The following PLCB4 variants were observed in gnomAD, a reference collection of about 807,000 sequenced individuals.
PLCB4 encodes the protein 1-phosphatidylinositol 4,5-bisphosphate phosphodiesterase beta-4.
PLCB4 carries 77 observed loss-of-function variants against 178.8 expected under a neutral mutation model. The ratio of observed to expected loss-of-function variants is 0.43; its 90% CI spans 0.36 to 0.52. The LOEUF is 0.52. Among genes scored for constraint, PLCB4 ranks in the 20% least tolerant of loss-of-function variants. The pLI is 0.00. For missense variants in PLCB4, 1,024 were observed against 1,453.4 expected (o/e 0.70, Z 4.80); for synonymous variants, 496 against 490.8 (o/e 1.01, Z -0.14).
intron 3 of PLCB4, among the ~76,000 whole-genome samples, chr20:9,251,104 C>A (rs1177393710): frequency 6.6e-6 from 1 of 152,128 alleles, no homozygotes; most frequent in African/African-American, 2.4e-5. Context: ...TCCTGGATCC[C>A]CAGTTGCTCA....
rs1460953170 is a variant in PLCB4 at position 9,478,840 on chromosome 20, T to C, written c.3533-81T>C. 7.2e-6 allele frequency: 7 copies of C among 967,178 alleles called. No individual in the cohort carries two copies. The Admixed American group carries it at 8.8e-5, about 12-fold the overall frequency. 59.9% of individuals were successfully genotyped at this position (967,178 alleles called of 1,614,324 possible). A position where few individuals can be genotyped will look rare whatever the true frequency, so the allele number is the denominator to read the frequency against. ...GGATGTGGTGACAGGATCATATTTA[T>C]GGGAGAAGAGAGGCCAGGGTTGTTA... On this transcript the variant is annotated intron_variant, in intron 39 of 39. Coordinates refer to ENST00000378473, the MANE Select transcript of PLCB4 (RefSeq NM_001377142.1).
At chr20:9,157,900 C>G (rs1279022897) in intron 2 of PLCB4, among the ~76,000 whole-genome samples, 1 of 152,180 alleles carries the variant, frequency 6.6e-6, no homozygotes, top group African/African-American at 2.4e-5. Flanking sequence ...CCATTTCACT[C>G]TAGCCTGGGC....
chr20:9,151,148 TA>T (rs2092683968), intron 2 of PLCB4, among the ~76,000 whole-genome samples: 1 of 152,128 alleles, frequency 6.6e-6, no homozygotes, highest in Non-Finnish European at 1.5e-5. Context: ...ATAGTATAAA[TA>T]AAAACAGCAT....
At position 9,444,262 on chromosome 20, in the gene PLCB4, A is replaced by C. The variant is rs201254199; in HGVS notation, c.2880+19A>C. On this transcript the variant is annotated intron_variant, in intron 32 of 39. Coordinates refer to ENST00000378473, the MANE Select transcript of PLCB4 (RefSeq NM_001377142.1). ...TGCAAAGGTACAGTGCTCTACAGCT[A>C]CTATTTTGTGTTATGTATGGATGAA... The C allele has an allele frequency of 4.1e-6, 6 of 1,471,538 alleles. No individual in the cohort carries two copies. In the East Asian group the frequency reaches 1.4e-4, roughly 33 times the overall value. 91.2% of individuals were successfully genotyped at this position (1,471,538 alleles called of 1,614,324 possible).
chr20:9,102,430 A>G (rs2091192881), intron 2 of PLCB4, among the ~76,000 whole-genome samples: 2 of 152,182 alleles, frequency 1.3e-5, no homozygotes, highest in Admixed American at 1.3e-4. Flanking sequence ...GGTTCGAGAT[A>G]TACATTTTGC....
intron 3 of PLCB4, among the ~76,000 whole-genome samples, chr20:9,276,267 G>A (rs930114527): frequency 5.9e-5 from 9 of 152,064 alleles, no homozygotes; most frequent in Non-Finnish European, 1.2e-4. Context: ...TCACCCTGGA[G>A]TCAATGTAGC....
intron 2 of PLCB4, among the ~76,000 whole-genome samples, chr20:9,125,593 A>G (rs1236916006): frequency 1.3e-5 from 2 of 152,210 alleles, no homozygotes; most frequent in Non-Finnish European, 2.9e-5. Context: ...GAATGCACAC[A>G]TGCATATATG....
At chr20:9,330,685 A>T (rs1308132729) in intron 4 of PLCB4, among the ~76,000 whole-genome samples, 1 of 152,202 alleles carries the variant, frequency 6.6e-6, no homozygotes, top group Non-Finnish European at 1.5e-5. Flanking sequence ...TTAAATGAAA[A>T]ATTAATTAAA....
At chr20:9,210,255 A>G (rs2093659342) in intron 2 of PLCB4, among the ~76,000 whole-genome samples, 1 of 152,214 alleles carries the variant, frequency 6.6e-6, no homozygotes, top group Admixed American at 6.5e-5. Flanking sequence ...AGTTGGCCAC[A>G]GTAAATGACA....
intron 2 of PLCB4, among the ~76,000 whole-genome samples, chr20:9,216,513 G>A (rs566462030): frequency 1.1e-4 from 17 of 150,858 alleles, no homozygotes; most frequent in East Asian, 4.0e-4. Flanking sequence ...CACTGCGCCC[G>A]GCCTGAGATG....
At chr20:9,258,093 GA>G (rs1222577862) in intron 3 of PLCB4, among the ~76,000 whole-genome samples, 2 of 151,980 alleles carry the variant, frequency 1.3e-5, no homozygotes, top group East Asian at 1.9e-4. Context: ...TAATAGAGGG[GA>G]AAAAAAGTGG....
chr20:9,406,299 C>T (rs2039431541), intron 21 of PLCB4, among the ~76,000 whole-genome samples: 2 of 152,116 alleles, frequency 1.3e-5, no homozygotes, highest in Admixed American at 6.5e-5. Context: ...TATTATTAAA[C>T]ACACATGGAA....
At chr20:9,474,503 A>G (rs2044412156) in intron 38 of PLCB4, among the ~76,000 whole-genome samples, 2 of 152,180 alleles carry the variant, frequency 1.3e-5, no homozygotes. Context: ...AGGTAATTCA[A>G]TTTAGAAACG....
At chr20:9,406,938 ATTG>A (rs1444594792) in intron 21 of PLCB4, among the ~76,000 whole-genome samples, 5 of 152,234 alleles carry the variant, frequency 3.3e-5, no homozygotes, top group Admixed American at 6.5e-5. Flanking sequence ...TGTTGGTTTT[ATTG>A]TTGTTTTTTC....
At chr20:9,197,842 G>T (rs2093491425) in intron 2 of PLCB4, among the ~76,000 whole-genome samples, 1 of 152,218 alleles carries the variant, frequency 6.6e-6, no homozygotes, top group Admixed American at 6.5e-5. Flanking sequence ...GGGCATGGTG[G>T]TGGGCATCTG....
intron 25 of PLCB4, among the ~76,000 whole-genome samples, chr20:9,417,667 A>G (rs2040346787): frequency 6.6e-6 from 1 of 152,180 alleles, no homozygotes; most frequent in South Asian, 2.1e-4. Context: ...GAATGTTCAT[A>G]TGCAAGTTCT....
intron 19 of PLCB4, among the ~76,000 whole-genome samples, chr20:9,398,990 C>G (rs185705572): frequency 1.1e-4 from 17 of 152,222 alleles, no homozygotes; most frequent in Admixed American, 3.3e-4. Flanking sequence ...CATAGATATG[C>G]AAAAATACTT....
chr20:9,426,855 T>C (rs1201304081), intron 28 of PLCB4, among the ~76,000 whole-genome samples: 1 of 152,206 alleles, frequency 6.6e-6, no homozygotes, highest in Non-Finnish European at 1.5e-5. Flanking sequence ...TTTTCTTCCT[T>C]GGCCGCTGAG....
Position 9,372,372 on chromosome 20 carries a change from C to T in PLCB4, c.655C>T (p.Arg219Trp), listed in dbSNP as rs2036321244. The T allele has an allele frequency of 3.8e-6, 6 of 1,594,484 alleles. No individual in the cohort carries two copies. The highest frequency in any genetic ancestry group is 5.2e-6 in the Non-Finnish European group (6 of 1,163,410). The change falls in exon 11 of 40, where the codon CGG becomes TGG. Residue 219 changes from arginine to tryptophan, a missense_variant. By Grantham distance (101) the Arg-to-Trp change is moderately radical. Coordinates refer to ENST00000378473, the MANE Select transcript of PLCB4 (RefSeq NM_001377142.1). Reference sequence around the variant, plus strand: ...TGAACTGACACAAAAGATTTGTCCTCGGACAGATATAGAAGATCTTTTCAA... The same window carrying T: ...TGAACTGACACAAAAGATTTGTCCTTGGACAGATATAGAAGATCTTTTCAA... ...FYELTQKICP[R>W]TDIEDLFKKI...
Sources: gnomAD v4.1 joint callset for allele counts (sites outside exome capture counted in the v4.1 genomes callset) on GRCh38, gnomAD v4.1.1 for gene constraint, MANE v1.5 for transcripts, NCBI Gene and HGNC (gene_info 2026-07-23, HGNC 2026-07-21) for gene names.